CACNA2D3: variants seen among roughly 807,000 people sequenced by gnomAD.
CACNA2D3 encodes the protein calcium voltage-gated channel auxiliary subunit alpha2delta 3.
Under a neutral mutation model 160.6 loss-of-function variants are expected in CACNA2D3, and 60 were observed. That is an observed-to-expected ratio of 0.37 (90% CI 0.30 to 0.46). The LOEUF is 0.46. CACNA2D3 is among the 20% of genes least tolerant of loss of function. The pLI, the probability that CACNA2D3 is intolerant of heterozygous loss-of-function variation, is 1.00. For synonymous variants in CACNA2D3, 558 were observed against 492.9 expected, an observed-to-expected ratio of 1.13 and a Z score of -1.75; for missense variants, 1,205 against 1,365.0, an observed-to-expected ratio of 0.88 and a Z score of 1.85.
chr3:54,380,541 A>G (rs1699084149), intron 3 of CACNA2D3, among the ~76,000 whole-genome samples: 1 of 152,052 alleles, frequency 6.6e-6, no homozygotes. Flanking sequence ...GATGGAGACC[A>G]TCCTGGCTAA....
chr3:54,308,887 G>T (rs1703668621), intron 2 of CACNA2D3, among the ~76,000 whole-genome samples: 1 of 152,138 alleles, frequency 6.6e-6, no homozygotes, highest in Non-Finnish European at 1.5e-5. Context: ...AAATGTGTTT[G>T]AAAAAAAGTA....
At chr3:54,231,261 T>C (rs1219050770) in intron 2 of CACNA2D3, among the ~76,000 whole-genome samples, 1 of 152,182 alleles carries the variant, frequency 6.6e-6, no homozygotes, top group Non-Finnish European at 1.5e-5. Context: ...GGGGAGCACC[T>C]TGGCTGGGTA....
chr3:54,358,796 C>G (rs998889344), intron 3 of CACNA2D3, among the ~76,000 whole-genome samples: 3 of 152,216 alleles, frequency 2.0e-5, no homozygotes, highest in Non-Finnish European at 4.4e-5. Flanking sequence ...GGCCAGTATT[C>G]AGTTACTAAA....
chr3:54,906,371 G>A, intron 27 of CACNA2D3, among the ~76,000 whole-genome samples: 1 of 152,172 alleles, frequency 6.6e-6, no homozygotes, highest in East Asian at 1.9e-4. Context: ...ATGTGCACAT[G>A]GGTATGTGGT....
chr3:54,775,888 A>C (rs1319011743), intron 13 of CACNA2D3, among the ~76,000 whole-genome samples: 1 of 152,192 alleles, frequency 6.6e-6, no homozygotes, highest in Non-Finnish European at 1.5e-5. Context: ...GAAGCCACCA[A>C]GAGCAAATGA....
chr3:54,188,904 G>A (rs947493208), intron 2 of CACNA2D3, among the ~76,000 whole-genome samples: 1 of 152,182 alleles, frequency 6.6e-6, no homozygotes, highest in Non-Finnish European at 1.5e-5. Context: ...ACCATTTGTG[G>A]TGTTTGTCCC....
At chr3:54,299,194 G>C (rs955501758) in intron 2 of CACNA2D3, among the ~76,000 whole-genome samples, 1 of 143,954 alleles carries the variant, frequency 6.9e-6, no homozygotes, top group African/African-American at 2.6e-5. Context: ...TTTACCTTCA[G>C]ATGTGTGGTT....
In CACNA2D3 at chr3:54,898,166, C is replaced by A. The variant is rs1340434633; in HGVS notation, c.2368+1296C>A. 3.2e-4 allele frequency among the ~76,000 whole-genome samples: 3 copies of A among 9,414 alleles called. No homozygotes were observed. In the African/African-American group the frequency reaches 3.4e-3, roughly 11 times the overall value. 6.2% of individuals were successfully genotyped at this position (9,414 alleles called of 152,430 possible). A position where few individuals can be genotyped will look rare whatever the true frequency, so the allele number is the denominator to read the frequency against. ...TTTCTTTCTTTCTTTCTTTATCTTTCTTTTCTTTTCTTTTCTTTTCTTTTC... is the reference window on the plus strand; with the variant it reads ...TTTCTTTCTTTCTTTCTTTATCTTTATTTTCTTTTCTTTTCTTTTCTTTTC... On this transcript the variant is annotated intron_variant, in intron 26 of 37. Transcript: ENST00000474759.
At chr3:54,735,872 TAAAA>T (rs942938479) in intron 11 of CACNA2D3, among the ~76,000 whole-genome samples, 1 of 147,044 alleles carries the variant, frequency 6.8e-6, no homozygotes, top group Non-Finnish European at 1.5e-5. Flanking sequence ...GGAAAAAAAA[TAAAA>T]AAATAGATAC....
chr3:54,562,909 G>C lies in CACNA2D3; in HGVS notation c.654G>C (p.Lys218Asn). ...SLIWQYFGSA[K>N]GFFRQYPGIK... ...TATGGCAGTACTTTGGAAGTGCAAA[G>C]GGCTTTTTTAGGCAGTATCCGGGTG... Residue 218 changes from lysine (K) to asparagine (N), a missense_variant, in exon 6 of 38, where the codon AAG becomes AAC. Transcript: ENST00000474759. The C allele has an allele frequency of 6.2e-7, 1 of 1,613,752 alleles. No individual in the cohort carries two copies. Among genetic ancestry groups the C allele is most frequent in the Non-Finnish European group, 8.5e-7 (1 of 1,179,738 alleles).
chr3:54,955,685 G>A (rs1351468190), intron 27 of CACNA2D3, among the ~76,000 whole-genome samples: 2 of 152,136 alleles, frequency 1.3e-5, no homozygotes, highest in Non-Finnish European at 2.9e-5. Flanking sequence ...GAGGGACACT[G>A]AGATCAGACA....
intron 4 of CACNA2D3, among the ~76,000 whole-genome samples, chr3:54,400,601 C>G (rs1053098104): frequency 1.4e-4 from 22 of 152,276 alleles, no homozygotes; most frequent in African/African-American, 4.8e-4. Context: ...ACTCCTACAG[C>G]CTAGTCTACC....
intron 5 of CACNA2D3, among the ~76,000 whole-genome samples, chr3:54,509,802 A>G (rs1701431252): frequency 6.6e-6 from 1 of 152,188 alleles, no homozygotes; most frequent in Non-Finnish European, 1.5e-5. Context: ...TGGAAATTAT[A>G]TTTTATATGG....
chr3:54,435,827 A>G (rs529452006), intron 4 of CACNA2D3, among the ~76,000 whole-genome samples: 2 of 152,344 alleles, frequency 1.3e-5, no homozygotes, highest in South Asian at 4.1e-4. Context: ...TCAAGAAGCA[A>G]TTACAAATTC....
chr3:54,139,226 C>T (rs1230791024), intron 2 of CACNA2D3, among the ~76,000 whole-genome samples: 1 of 152,230 alleles, frequency 6.6e-6, no homozygotes, highest in Admixed American at 6.5e-5. Context: ...TTCTTCTTTT[C>T]ACTTTGTCCC....
chr3:54,689,141 T>C (rs1332043042), intron 11 of CACNA2D3, among the ~76,000 whole-genome samples: 1 of 152,106 alleles, frequency 6.6e-6, no homozygotes, highest in Non-Finnish European at 1.5e-5. Context: ...TCATTTTCAG[T>C]GTTTCTTCTG....
chr3:54,744,762 A>G (rs1007625561), intron 11 of CACNA2D3, among the ~76,000 whole-genome samples: 6 of 152,192 alleles, frequency 3.9e-5, no homozygotes, highest in African/African-American at 1.4e-4. Flanking sequence ...GCAGCAAGTT[A>G]TCTGAAATGT....
At chr3:54,228,132 G>C (rs765105061) in intron 2 of CACNA2D3, among the ~76,000 whole-genome samples, 2 of 152,166 alleles carry the variant, frequency 1.3e-5, no homozygotes, top group Non-Finnish European at 2.9e-5. Context: ...TTGTAGCTTA[G>C]ACACTAGGGA....
chr3:54,758,806 CTT>C (rs749099223), intron 12 of CACNA2D3, among the ~76,000 whole-genome samples: 1 of 152,060 alleles, frequency 6.6e-6, no homozygotes, highest in Non-Finnish European at 1.5e-5. Context: ...TGGGAAGAGT[CTT>C]TGGAAAGACT....
Sources: allele counts gnomAD v4.1 joint callset (sites outside exome capture counted in the v4.1 genomes callset), GRCh38; gene constraint gnomAD v4.1.1; transcripts MANE v1.5; gene names NCBI Gene and HGNC (gene_info 2026-07-23, HGNC 2026-07-21).